The following CSPG4 variants were observed in gnomAD, a reference collection of about 807,000 sequenced individuals.
The protein encoded by CSPG4 is chondroitin sulfate proteoglycan 4, also known as chondroitin sulfate proteoglycan 4 (melanoma-associated).
Under a neutral mutation model 139.3 loss-of-function variants are expected in CSPG4, and 74 were observed. The observed-to-expected ratio is 0.53, with a 90% CI of 0.44 to 0.64. The LOEUF is 0.64. CSPG4 is among the 30% of genes least tolerant of loss of function. CSPG4 has a pLI of 0.00. For missense variants in CSPG4, 2,565 were observed against 3,148.3 expected (o/e 0.81, Z 4.43); for synonymous variants, 1,234 against 1,394.2 (o/e 0.89, Z 2.56).
chr15:75,675,801 G>A lies in CSPG4; in HGVS notation c.6718C>T (p.Leu2240=). 8 of 1,613,558 alleles carry A rather than the reference G, an allele frequency of 5.0e-6. No individual in the cohort carries two copies. Among genetic ancestry groups the A allele is most frequent in the Non-Finnish European group, 6.8e-6 (8 of 1,180,000 alleles). Residue 2240 remains leucine, a synonymous_variant, in exon 10 of 10, where the codon CTG becomes TTG. Coordinates refer to ENST00000308508, the MANE Select transcript of CSPG4 (RefSeq NM_001897.5). ...TTTCGGAGGTAGAAGAGCAGGGGCA[G>A]GATGAGCGCCAGGAGCAGAAGTACC... is the stretch of plus-strand genomic sequence containing the variant. ...CLVLLLLALI[L]PLLFYLRKRN...
Position 75,689,050 on chromosome 15 carries a change from C to G in CSPG4, c.2015G>C (p.Arg672Pro). The G allele has an allele frequency of 6.2e-7, 1 of 1,611,298 alleles. No individual in the cohort carries two copies. The highest frequency in any genetic ancestry group is 1.7e-5 in the Admixed American group (1 of 60,022). The change falls in exon 3 of 10, where the codon CGA becomes CCA. Residue 672 changes from arginine to proline, a missense_variant. Physicochemically the swap from Arg to Pro is moderately radical, Grantham distance 103. Around this residue, in one of 5 missense-constraint regions of CSPG4, gnomAD observed 2,316 missense variants for 2,818.2 expected, o/e 0.82. Transcript: ENST00000308508. ...GGGCATGGCAGAGCCTTGGGCCAGT[C>G]GCAACCCTGTGCTGCGGTGGATCTG... ...AIQIHRSTGL[R>P]LAQGSAMPIL...
chr15:75,688,859 C>T lies in CSPG4; in HGVS notation c.2206G>A (p.Val736Met), dbSNP rs2141429415. 2 of 1,612,466 alleles carry T rather than the reference C, an allele frequency of 1.2e-6. No homozygotes were observed. Among genetic ancestry groups the T allele is most frequent in the Non-Finnish European group, 8.5e-7 (1 of 1,179,978 alleles). The change falls in exon 3 of 10, where the codon GTG (valine) becomes ATG (methionine). Residue 736 changes from valine to methionine, a missense_variant. Coordinates refer to ENST00000308508, the MANE Select transcript of CSPG4 (RefSeq NM_001897.5). Reference protein sequence around the residue: ...WATQAFHQRDVEQGRVRYLST... With the variant: ...WATQAFHQRDMEQGRVRYLST... ...AGGTACCTCACGCGGCCCTGCTCCA[C>T]ATCCCGCTGGTGGAACGCCTGTGTG...
chr15:75,689,082 C>A lies in CSPG4; in HGVS notation c.1983G>T (p.Pro661=). The A allele has an allele frequency of 1.9e-6, 3 of 1,606,948 alleles. No homozygotes were observed. Among genetic ancestry groups the A allele is most frequent in the Non-Finnish European group, 2.5e-6 (3 of 1,177,044 alleles). Residue 661 remains proline, a synonymous_variant, in exon 3 of 10, where the codon CCG becomes CCT. Coordinates refer to ENST00000308508, the MANE Select transcript of CSPG4 (RefSeq NM_001897.5). ...PATLKVVAIR[P]AIQIHRSTGL... is the part of the protein sequence containing the mutation. Reference sequence around the variant, plus strand: ...CTGTGCTGCGGTGGATCTGTATGGCCGGCCGGATGGCCACCACCTTCAGCG... The same window carrying A: ...CTGTGCTGCGGTGGATCTGTATGGCAGGCCGGATGGCCACCACCTTCAGCG...
rs1893894174 is a variant in CSPG4 at position 75,676,472 on chromosome 15, T to C, written c.6047A>G (p.Asn2016Ser). ...DQGEVVFAFT[N>S]FSSSHDHFRV... ...GAAGTGGTCATGAGAGGAGGAGAAG[T>C]TGGTGAAGGCAAAGACCACCTCGCC... Residue 2016 changes from asparagine to serine, a missense_variant, in exon 10 of 10, where the codon AAC becomes AGC. This residue lies in a region of CSPG4 where 2,316 missense variants were observed against 2,818.2 expected (regional missense o/e 0.82). Transcript: ENST00000308508. The C allele has an allele frequency of 1.2e-6, 2 of 1,613,868 alleles. No homozygotes were observed. Among genetic ancestry groups the C allele is most frequent in the African/African-American group, 1.3e-5 (1 of 75,026 alleles).
intron 1 of CSPG4, among the ~76,000 whole-genome samples, chr15:75,709,477 CT>C (rs1017283351): frequency 1.1e-4 from 16 of 152,322 alleles, no homozygotes; most frequent in South Asian, 4.1e-4. Context: ...GGTGGCACCC[CT>C]GTCCCCATCC....
chr15:75,678,982 C>T (rs1458253841), intron 8 of CSPG4: 1 of 349,092 alleles, frequency 2.9e-6, no homozygotes, highest in Non-Finnish European at 5.6e-6. Flanking sequence ...ACTCTCCTGG[C>T]TGGTCCTCCT....
intron 8 of CSPG4, among the ~76,000 whole-genome samples, chr15:75,678,240 T>G (rs1471834952): frequency 6.6e-6 from 1 of 152,228 alleles, no homozygotes; most frequent in East Asian, 1.9e-4. Flanking sequence ...ACACCACTTC[T>G]ACTGTCTCTT....
chr15:75,689,898 G>C lies in CSPG4; in HGVS notation c.1167C>G (p.Asp389Glu). 1 of 1,610,242 alleles carries C rather than the reference G, an allele frequency of 6.2e-7. No individual in the cohort carries two copies. The highest frequency in any genetic ancestry group is 8.5e-7 in the Non-Finnish European group (1 of 1,178,120). The change falls in exon 3 of 10, where the codon GAC becomes GAG. Residue 389 changes from aspartate to glutamate, a missense_variant. Asp to Glu is a conservative substitution (Grantham distance 45). This residue lies in a region of CSPG4 where 2,316 missense variants were observed against 2,818.2 expected (regional missense o/e 0.82). Coordinates refer to ENST00000308508, the MANE Select transcript of CSPG4 (RefSeq NM_001897.5). ...AAGCTTCATAATGTCCATAGGCATC[G>C]TCCTCATACTCCTCCTCCTCCAGCC... The part of the protein sequence containing the change: ...GCRLEEEEYE[D>E]DAYGHYEAFS...
intron 1 of CSPG4, among the ~76,000 whole-genome samples, chr15:75,702,428 G>A (rs1475414489): frequency 6.6e-6 from 1 of 152,270 alleles, no homozygotes; most frequent in Non-Finnish European, 1.5e-5. Context: ...CTGCGGCCCA[G>A]GGGGCTGTGC....
chr15:75,677,899 C>T lies in CSPG4; in HGVS notation c.4951-13G>A. On this transcript the variant is annotated splice_polypyrimidine_tract_variant and intron_variant, in intron 8 of 9. Coordinates refer to ENST00000308508, the MANE Select transcript of CSPG4 (RefSeq NM_001897.5). ...TCCCAGCGTAGACCTAGGGGAGACA[C>T]CATCGTGGGGTGAGAGGCAGGTCCA... is the stretch of plus-strand genomic sequence containing the variant. 2 of 1,589,558 alleles carry T rather than the reference C, an allele frequency of 1.3e-6. No homozygotes were observed. The highest frequency in any genetic ancestry group is 1.1e-5 in the South Asian group (1 of 88,782).
At chr15:75,681,714 C>T in intron 8 of CSPG4, among the ~76,000 whole-genome samples, 1 of 152,210 alleles carries the variant, frequency 6.6e-6, no homozygotes, top group East Asian at 1.9e-4. Context: ...TCTGCTGCTA[C>T]CCATGGCTGA....
chr15:75,677,241 G>T lies in CSPG4; in HGVS notation c.5278C>A (p.Leu1760Met). Residue 1760 changes from leucine (L) to methionine (M), a missense_variant, in exon 10 of 10, where the codon CTG (leucine) becomes ATG (methionine). This residue lies in a region of CSPG4 where 2,316 missense variants were observed against 2,818.2 expected (regional missense o/e 0.82). Transcript: ENST00000308508. ...TGGAGGGGCTCCTCGGACACCAACA[G>T]CTGGCCCCGGCTGGGGAACTGTGTG... Reference protein sequence around the residue: ...QVTQFPSRGQLLVSEEPLHAG... With the variant: ...QVTQFPSRGQMLVSEEPLHAG... 6.7e-7 allele frequency: 1 copy of T among 1,487,160 alleles called. No homozygotes were observed. Among genetic ancestry groups the T allele is most frequent in the Non-Finnish European group, 9.0e-7 (1 of 1,114,446 alleles). The allele number at this position is 1,487,160 out of a possible 1,614,324, so 92.1% of individuals were successfully genotyped here.
chr15:75,712,875 T>A, upstream of CSPG4: 1 of 782,152 alleles, frequency 1.3e-6, no homozygotes, highest in Non-Finnish European at 1.9e-6. Context: ...TCCGCGCACT[T>A]AACTCCGGGG....
chr15:75,713,420 C>G (rs1196972707), upstream of CSPG4, among the ~76,000 whole-genome samples: 2 of 152,210 alleles, frequency 1.3e-5, no homozygotes, highest in East Asian at 3.8e-4. Context: ...GTCTGGATTT[C>G]CTCGCAGGGC....
At chr15:75,709,544 C>T (rs1437901455) in intron 1 of CSPG4, among the ~76,000 whole-genome samples, 2 of 152,204 alleles carry the variant, frequency 1.3e-5, no homozygotes, top group Non-Finnish European at 2.9e-5. Context: ...AGGTAGGGGA[C>T]TTGGAGACAG....
At chr15:75,679,011 T>C (rs1257156424) in intron 8 of CSPG4, 4 of 337,058 alleles carry the variant, frequency 1.2e-5, no homozygotes, top group Admixed American at 8.5e-5. Flanking sequence ...CAACATCTTA[T>C]GGCCAGGTCT....
chr15:75,709,770 C>G (rs1894422362), intron 1 of CSPG4, among the ~76,000 whole-genome samples: 1 of 152,198 alleles, frequency 6.6e-6, no homozygotes, highest in Non-Finnish European at 1.5e-5. Context: ...CCGTCATCGA[C>G]AGCCGCCTGG....
rs1318500006 is a variant in CSPG4, at chr15:75,676,028, G to A, written c.6491C>T (p.Pro2164Leu). The A allele has an allele frequency of 3.2e-6, 5 of 1,554,346 alleles. No homozygotes were observed. The highest frequency in any genetic ancestry group is 4.3e-6 in the Non-Finnish European group (5 of 1,154,882). ...AVASLDFATE[P>L]YNAARPYSVA... ...GCTGTAGGGCCGGGCAGCATTGTAAGGCTCAGTGGCAAAGTCCAGGGAGGC... is the reference window on the plus strand; with the variant it reads ...GCTGTAGGGCCGGGCAGCATTGTAAAGCTCAGTGGCAAAGTCCAGGGAGGC... Residue 2164 changes from proline (P) to leucine (L), a missense_variant, in exon 10 of 10, where the codon CCT (proline) becomes CTT (leucine). This residue lies in a region of CSPG4 where 2,316 missense variants were observed against 2,818.2 expected (regional missense o/e 0.82). Transcript: ENST00000308508.
intron 1 of CSPG4, among the ~76,000 whole-genome samples, chr15:75,699,304 GAC>G (rs1270225765): frequency 6.6e-6 from 1 of 152,242 alleles, no homozygotes. Flanking sequence ...TGAGCCAAGA[GAC>G]ACACACTCAG....
Sources: allele counts gnomAD v4.1 joint callset (sites outside exome capture counted in the v4.1 genomes callset), GRCh38; gene constraint gnomAD v4.1.1; regional missense constraint gnomAD v4.1.1; transcripts MANE v1.5; gene names NCBI Gene and HGNC (gene_info 2026-07-23, HGNC 2026-07-21).